The following MAP7D2 variants were observed in gnomAD, a reference collection of about 807,000 sequenced individuals.
The protein encoded by MAP7D2 is MAP7 domain containing 2, also known as MAP7 domain-containing protein 2.
Under a neutral mutation model 63.5 loss-of-function variants are expected in MAP7D2, and 33 were observed. The ratio of observed to expected loss-of-function variants is 0.52; its 90% CI spans 0.39 to 0.70. The LOEUF (loss-of-function observed/expected upper bound fraction) is 0.70, where lower values mean the gene tolerates loss of function less well. Ranked by LOEUF, MAP7D2 falls within the 30% of genes least tolerant of loss-of-function variation. MAP7D2 has a pLI of 0.00. For missense variants in MAP7D2, 626 were observed against 604.0 expected (o/e 1.04, Z -0.38); for synonymous variants, 224 against 223.7 (o/e 1.00, Z -0.01).
At chrX:20,051,390 A>C (rs1001737676) in intron 5 of MAP7D2, among the ~76,000 whole-genome samples, 2 of 110,992 alleles carry the variant, frequency 1.8e-5, no homozygotes, top group Admixed American at 1.9e-4. Flanking sequence ...TCTCTACAAA[A>C]AATACAAAAA....
rs779366726 is a variant in MAP7D2, at chrX:20,088,468, G to GTTTTTTTTTTT, written c.131-23674_131-23664dup. Among the ~76,000 whole-genome samples the GTTTTTTTTTTT allele has an allele frequency of 4.4e-4, 18 of 41,071 alleles. 5 individuals are homozygous for GTTTTTTTTTTT. Among genetic ancestry groups the GTTTTTTTTTTT allele is most frequent in the East Asian group, 4.0e-3 (2 of 501 alleles). The allele number at this position is 41,071 out of a possible 115,157, so 35.7% of individuals were successfully genotyped here. On this transcript the variant is annotated intron_variant, in intron 1 of 16. Transcript: ENST00000379643. ...CCCCACCACACCCAGCTAATTTTCAGTTTTTTTTTTTTTTTTTTTTTTTTT... is the reference window on the plus strand; with the variant it reads ...CCCCACCACACCCAGCTAATTTTCAGTTTTTTTTTTTTTTTTTTTTTTTTTTTTTTTTTTTT...
intron 1 of MAP7D2, among the ~76,000 whole-genome samples, chrX:20,101,664 G>T (rs1213027163): frequency 1.8e-5 from 2 of 112,320 alleles, no homozygotes; most frequent in Non-Finnish European, 3.8e-5. Flanking sequence ...TCCAGCAAGA[G>T]AATTGATAAA....
chrX:20,090,354 ACT>A (rs2066034434), intron 1 of MAP7D2, among the ~76,000 whole-genome samples: 1 of 53,668 alleles, frequency 1.9e-5, no homozygotes. Context: ...ACAGAGTGAG[ACT>A]CTGTCTCAAA....
Position 20,013,574 on chromosome X carries a change from C to T in MAP7D2, c.1801G>A (p.Val601Met), listed in dbSNP as rs1244031822. ...RTRKSDVSPQ[V>M]KKEDPKVGVQ... is the part of the protein sequence containing the mutation. ...ATGGTCATTTGAATTCCTACCTTCA[C>T]TTGTGGAGACACATCACTTTTCCTT... is the stretch of plus-strand genomic sequence containing the variant. Residue 601 changes from valine to methionine, a missense_variant, in exon 13 of 17, where the codon GTG becomes ATG. Physicochemically the swap from Val to Met is conservative, Grantham distance 21. Coordinates refer to ENST00000379643, the MANE Select transcript of MAP7D2 (RefSeq NM_001168465.2). The T allele has an allele frequency of 1.7e-6, 2 of 1,194,269 alleles. No homozygotes were observed. Among genetic ancestry groups the T allele is most frequent in the South Asian group, 1.8e-5 (1 of 54,772 alleles).
chrX:20,115,674 G>C (rs997295053), intron 1 of MAP7D2, among the ~76,000 whole-genome samples: 3 of 111,532 alleles, frequency 2.7e-5, no homozygotes, highest in African/African-American at 9.8e-5. Flanking sequence ...GGCCCAGTCA[G>C]AAAATACTAC....
intron 6 of MAP7D2, 51 bp downstream of exon 6, chrX:20,050,773 C>A: frequency 9.0e-7 from 1 of 1,115,634 alleles, no homozygotes; most frequent in Non-Finnish European, 1.2e-6. Flanking sequence ...CTAGGCTGAC[C>A]AACACCTCTT....
intron 1 of MAP7D2, among the ~76,000 whole-genome samples, chrX:20,067,675 C>T (rs1252245651): frequency 8.9e-6 from 1 of 111,756 alleles, no homozygotes; most frequent in South Asian, 3.8e-4. Flanking sequence ...TCACATCTGG[C>T]GGAAAGGACC....
chrX:20,008,251 G>A lies in MAP7D2; in HGVS notation c.*174C>T, dbSNP rs2073066099. ...GTGAAAGTTTCAAGGTTTCTACCAAGAGTGGCCAGTGTTTGACATACTACC... is the reference window on the plus strand; with the variant it reads ...GTGAAAGTTTCAAGGTTTCTACCAAAAGTGGCCAGTGTTTGACATACTACC... On this transcript the variant is annotated 3_prime_UTR_variant, in exon 17 of 17. Transcript: ENST00000379643. 8.9e-6 allele frequency: 1 copy of A among 112,000 alleles called. No individual in the cohort carries two copies. Among genetic ancestry groups the A allele is most frequent in the Non-Finnish European group, 1.9e-5 (1 of 53,228 alleles). The allele number at this position is 112,000 out of a possible 1,213,427, so 9.2% of individuals were successfully genotyped here.
chrX:20,057,530 C>T (rs755605531), intron 3 of MAP7D2, among the ~76,000 whole-genome samples: 12 of 111,547 alleles, frequency 1.1e-4, no homozygotes, highest in Admixed American at 6.6e-4. Flanking sequence ...TTATCAAAAA[C>T]ACTCTCCTGT....
At chrX:20,099,772 G>C (rs1207692001) in intron 1 of MAP7D2, among the ~76,000 whole-genome samples, 2 of 112,196 alleles carry the variant, frequency 1.8e-5, no homozygotes, top group Non-Finnish European at 3.8e-5. Context: ...AAGGGTCCAA[G>C]ATCAGACTCC....
At chrX:20,098,557 T>TGG (rs111268222) in intron 1 of MAP7D2, among the ~76,000 whole-genome samples, 86 of 106,986 alleles carry the variant, frequency 8.0e-4, no homozygotes, top group African/African-American at 2.6e-3. Flanking sequence ...CTCTACACGG[T>TGG]GGGGGGGGGA....
intron 1 of MAP7D2, among the ~76,000 whole-genome samples, chrX:20,106,457 C>T (rs1388948285): frequency 8.9e-6 from 1 of 112,415 alleles, no homozygotes; most frequent in Non-Finnish European, 1.9e-5. Flanking sequence ...AAGCTGGACT[C>T]ACTACCACAG....
At chrX:20,071,784 G>GTTTGT (rs764960642) in intron 1 of MAP7D2, among the ~76,000 whole-genome samples, 81 of 112,146 alleles carry the variant, frequency 7.2e-4, no homozygotes, top group African/African-American at 2.4e-3. Context: ...GTCTAGGTCT[G>GTTTGT]TTTGTTTTGT....
chrX:20,056,896 G>T, intron 3 of MAP7D2, 105 bp from the exon 4 acceptor site: 1 of 710,387 alleles, frequency 1.4e-6, no homozygotes, highest in Non-Finnish European at 2.1e-6. Context: ...GGGGCTTTCT[G>T]TGCTCAGCAT....
In MAP7D2 at chrX:20,068,266, T is replaced by C. The variant is rs1275641433; in HGVS notation, c.131-3461A>G. Among the ~76,000 whole-genome samples, 4 of 111,854 alleles carry C rather than the reference T, an allele frequency of 3.6e-5. No individual in the cohort carries two copies. In the East Asian group the frequency reaches 1.1e-3, roughly 31 times the overall value. ...GTCACACTGGGCACACTTTAGGCGC[T>C]TAATAGCCACATGTGGCTGGCGGTT... On this transcript the variant is annotated intron_variant, in intron 1 of 16. Coordinates refer to ENST00000379643, the MANE Select transcript of MAP7D2 (RefSeq NM_001168465.2).
At chrX:20,108,136 C>T (rs1402946496) in intron 1 of MAP7D2, among the ~76,000 whole-genome samples, 1 of 111,176 alleles carries the variant, frequency 9.0e-6, no homozygotes, top group Non-Finnish European at 1.9e-5. Context: ...AGCAGCCTAA[C>T]CCTGATGGGC....
intron 8 of MAP7D2, 149 bp downstream of exon 8, chrX:20,042,353 G>T (rs933010577): frequency 6.5e-6 from 4 of 616,957 alleles, no homozygotes; most frequent in Non-Finnish European, 1.0e-5. Flanking sequence ...GTCAAGCCAC[G>T]TAACTCCAAG....
chrX:20,012,691 T>C (rs1334509501), intron 14 of MAP7D2, among the ~76,000 whole-genome samples, 156 bp from the exon 15 acceptor site: 1 of 112,629 alleles, frequency 8.9e-6, no homozygotes, highest in East Asian at 2.8e-4. Context: ...ATAATCACCT[T>C]CACACAGGAG....
chrX:20,058,321 C>T (rs942438952), intron 3 of MAP7D2, among the ~76,000 whole-genome samples: 5 of 112,483 alleles, frequency 4.4e-5, no homozygotes, highest in Non-Finnish European at 7.5e-5. Context: ...TACGGTTTAA[C>T]GTAAAGTATT....
Sources: allele counts gnomAD v4.1 joint callset (sites outside exome capture counted in the v4.1 genomes callset), GRCh38; gene constraint gnomAD v4.1.1; transcripts MANE v1.5; gene names NCBI Gene and HGNC (gene_info 2026-07-23, HGNC 2026-07-21).